LRRC56: variants seen among roughly 807,000 people sequenced by gnomAD.
LRRC56 encodes the protein leucine rich repeat containing 56.
A neutral mutation model predicts 47.8 loss-of-function variants in LRRC56; 41 were observed. The ratio of observed to expected loss-of-function variants is 0.86; its 90% confidence interval spans 0.67 to 1.11. The LOEUF is 1.11. LRRC56 is among the 50% of genes most tolerant of loss of function. LRRC56 has a pLI of 0.00. For synonymous variants in LRRC56, 387 were observed against 311.2 expected, an observed-to-expected ratio of 1.24 and a Z score of -2.56; for missense variants, 759 against 704.2, an observed-to-expected ratio of 1.08 and a Z score of -0.88.
In LRRC56 at chr11:541,624, G is replaced by C; in HGVS notation, c.265G>C (p.Gly89Arg). The change falls in exon 5 of 14, where the codon GGG becomes CGG. Residue 89 changes from glycine to arginine, a missense_variant and splice_region_variant. By Grantham distance (125) the Gly-to-Arg change is moderately radical (BLOSUM62 -2). Coordinates refer to ENST00000270115, the MANE Select transcript of LRRC56 (RefSeq NM_198075.4). The surrounding 1 kb of genome is among the most constrained non-coding windows in gnomAD (Gnocchi z 4.1). ...DTREGSLGNF[G>R]VHLPNLDQLK... ...TCGTGAGGGCAGCCTGGGGAACTTT[G>C]GTGAGCCTCTTCCCACCCCGCCATG... 6.4e-7 allele frequency: 1 copy of C among 1,564,118 alleles called. No individual in the cohort carries two copies. The highest frequency in any genetic ancestry group is 1.2e-5 in the South Asian group (1 of 85,092).
chr11:524,353 C>T, the LRRC56 span, among the ~76,000 whole-genome samples: 5 of 152,238 alleles, frequency 3.3e-5, no homozygotes, highest in Non-Finnish European at 7.3e-5. Context: ...AAGATCTGGC[C>T]GGGCGCGGTG....
chr11:533,266 G>A (rs377733297), upstream of LRRC56: 45 of 1,575,384 alleles, frequency 2.9e-5, no homozygotes, highest in Non-Finnish European at 3.7e-5. Context: ...CTGCCGTCCC[G>A]GGAGACTTAC....
In LRRC56 at chr11:551,216, C is replaced by A. The variant is rs1564806429; in HGVS notation, c.710C>A (p.Thr237Lys). The change falls in exon 9 of 14, where the codon ACA (threonine) becomes AAA (lysine). Residue 237 changes from threonine (T) to lysine (K), a missense_variant. By Grantham distance (78) the Thr-to-Lys change is moderately conservative. Transcript: ENST00000270115. ...QVLDEVPAAH[T>K]GPPAPPRLSQ... ...CTGGACGAAGTGCCGGCCGCACACA[C>A]AGGCCCACCGGCCCCCCCGCGGCTG... 6.5e-7 allele frequency: 1 copy of A among 1,547,516 alleles called. No individual in the cohort carries two copies. Among genetic ancestry groups the A allele is most frequent in the Non-Finnish European group, 8.7e-7 (1 of 1,145,166 alleles).
intron 3 of LRRC56, 60 bp downstream of exon 3, chr11:539,786 G>A (rs1229415367): frequency 6.6e-6 from 1 of 152,522 alleles, no homozygotes; most frequent in African/African-American, 2.4e-5. Flanking sequence ...GGATGCAAGA[G>A]AGGGACACAC....
chr11:538,575 C>T (rs574298085), intron 1 of LRRC56, 23 bp from the exon 2 acceptor site: 1 of 152,556 alleles, frequency 6.6e-6, no homozygotes, highest in Non-Finnish European at 1.5e-5. Context: ...TCCAACACTC[C>T]CACCCACCAC....
At position 554,275 on chromosome 11, in the gene LRRC56, A is replaced by C; in HGVS notation, c.1628A>C (p.Ter543SerextTer65). ...TCTCACCCCAGCCCCGTCCCCACTT[A>C]ATATAGCCCCCACTGCCAGGCTTCC... ...ELSHPSPVPT[*>S] The change falls in exon 14 of 14, where the codon TAA becomes TCA. Residue 543 changes from the stop codon to serine (S), a stop_lost. Coordinates refer to ENST00000270115, the MANE Select transcript of LRRC56 (RefSeq NM_198075.4). The C allele has an allele frequency of 2.7e-6, 4 of 1,480,646 alleles. No individual in the cohort carries two copies. Among genetic ancestry groups the C allele is most frequent in the Admixed American group, 2.3e-5 (1 of 42,884 alleles). 91.7% of individuals were successfully genotyped at this position (1,480,646 alleles called of 1,614,324 possible).
At chr11:551,574 C>T in intron 9 of LRRC56, 77 bp from the exon 10 acceptor site, 1 of 1,469,440 alleles carries the variant, frequency 6.8e-7, no homozygotes, top group Non-Finnish European at 9.1e-7. Flanking sequence ...GGGATTGGGG[C>T]CCCTGGTCTG....
intron 5 of LRRC56, among the ~76,000 whole-genome samples, chr11:542,597 A>AAAAAAAAAAAAAC (rs1851854108): frequency 1.3e-5 from 2 of 149,426 alleles, no homozygotes; most frequent in African/African-American, 5.0e-5. Flanking sequence ...AAAAAAAAAA[A>AAAAAAAAAAAAAC]AAAAAAACAC....
rs753126990 is a variant in LRRC56 at position 544,757 on chromosome 11, C to T, written c.303C>T (p.Asn101=). 6.2e-6 allele frequency: 10 copies of T among 1,612,250 alleles called. No homozygotes were observed. The East Asian group carries it at 8.9e-5, about 14-fold the overall frequency. The change falls in exon 6 of 14, where the codon AAC becomes AAT. Residue 101 remains asparagine (N), a synonymous_variant. Coordinates refer to ENST00000270115, the MANE Select transcript of LRRC56 (RefSeq NM_198075.4). ...CCAACCTGGACCAACTGAAGCTGAA[C>T]GGCAGCCACCTGGGCTCCCTGAGGT... ...HLPNLDQLKL[N]GSHLGSLRDL...
chr11:553,314 C>T (rs762477600), intron 13 of LRRC56, among the ~76,000 whole-genome samples: 2 of 152,134 alleles, frequency 1.3e-5, no homozygotes, highest in South Asian at 2.1e-4. Flanking sequence ...GGCGACCCCA[C>T]GGTGGGCAGC....
chr11:551,403 G>T, intron 9 of LRRC56, 101 bp downstream of exon 9: 2 of 891,886 alleles, frequency 2.2e-6, no homozygotes, highest in Admixed American at 2.8e-5. Flanking sequence ...CACATCTCAT[G>T]CGCTTCTCCA....
rs1439452485 is a variant in LRRC56, at chr11:537,542, G to T, written c.-485G>T. On this transcript the variant is annotated 5_prime_UTR_variant, in exon 1 of 14. Coordinates refer to ENST00000270115, the MANE Select transcript of LRRC56 (RefSeq NM_198075.4). ...AGAACAGCCTGGAGTAGGAGACAGC[G>T]CCTGGAGGTGGAGGGCGCCCAGGGC... 1.3e-5 allele frequency: 2 copies of T among 152,340 alleles called. No homozygotes were observed. The highest frequency in any genetic ancestry group is 2.4e-5 in the African/African-American group (1 of 41,472). 9.4% of individuals were successfully genotyped at this position (152,340 alleles called of 1,614,324 possible).
chr11:511,766 TG>T, the LRRC56 span, among the ~76,000 whole-genome samples: 71 of 152,256 alleles, frequency 4.7e-4, no homozygotes, highest in Middle Eastern at 6.8e-3. Flanking sequence ...TGCACGGAGA[TG>T]CTGTGAGAAT....
chr11:526,448 CAG>C, the LRRC56 span, among the ~76,000 whole-genome samples: 15 of 152,114 alleles, frequency 9.9e-5, no homozygotes, highest in African/African-American at 3.4e-4. Flanking sequence ...CAGTCAGGTG[CAG>C]AGTCAGGCAC....
intron 6 of LRRC56, among the ~76,000 whole-genome samples, chr11:548,121 C>CA (rs892065348): frequency 4.4e-4 from 64 of 145,776 alleles, no homozygotes; most frequent in African/African-American, 1.2e-3. Context: ...GACTCCATCT[C>CA]AAAAAAAAAA....
At chr11:553,191 G>A (rs1380423595) in intron 13 of LRRC56, among the ~76,000 whole-genome samples, 2 of 152,224 alleles carry the variant, frequency 1.3e-5, no homozygotes, top group Non-Finnish European at 2.9e-5. Context: ...ATAGAATTAA[G>A]CCATGCAGTG....
intron 5 of LRRC56, among the ~76,000 whole-genome samples, chr11:544,412 G>A (rs780366860): frequency 3.9e-5 from 6 of 152,210 alleles, no homozygotes; most frequent in Admixed American, 6.5e-5. Context: ...CCTCCATGCT[G>A]TGCTGCATTC....
intron 3 of LRRC56, 94 bp from the exon 4 acceptor site, chr11:540,580 G>T: frequency 9.1e-7 from 1 of 1,094,238 alleles, no homozygotes; most frequent in East Asian, 2.6e-5. Flanking sequence ...GCTGTGACGG[G>T]GGCGGGGGGT....
rs1852528083 is a variant in LRRC56 at position 553,328 on chromosome 11, CCCT to C, written c.1316-630_1316-628del. ...GGGCGACCCCACGGTGGGCAGCTGA[CCCT>C]CCTCTGTGCAGGAGCCTGGTTAAGG... On this transcript the variant is annotated intron_variant, in intron 13 of 13. Transcript: ENST00000270115. Among the ~76,000 whole-genome samples the C allele has an allele frequency of 2.6e-5, 4 of 152,196 alleles. No homozygotes were observed. The South Asian group carries it at 8.3e-4, about 32-fold the overall frequency.
Sources: allele counts gnomAD v4.1 joint callset (sites outside exome capture counted in the v4.1 genomes callset), GRCh38; gene constraint gnomAD v4.1.1; non-coding constraint Gnocchi (gnomAD v3.1); transcripts MANE v1.5; gene names NCBI Gene and HGNC (gene_info 2026-07-23, HGNC 2026-07-21).